The following FRAS1 variants were observed in gnomAD, a reference collection of about 807,000 sequenced individuals.
FRAS1 encodes the protein extracellular matrix organizing protein FRAS1.
In FRAS1, 290 loss-of-function variants were observed where a neutral mutation model predicts 435.2. The ratio of observed to expected loss-of-function variants is 0.67; its 90% CI spans 0.61 to 0.73. The LOEUF (loss-of-function observed/expected upper bound fraction) is 0.73. Among genes scored for constraint, FRAS1 ranks in the 30% least tolerant of loss-of-function variants. FRAS1 has a pLI of 0.00. For synonymous variants in FRAS1, 1,800 were observed against 1,851.0 expected, an observed-to-expected ratio of 0.97 and a Z score of 0.71; for missense variants, 4,860 against 5,001.5, an observed-to-expected ratio of 0.97 and a Z score of 0.85.
chr4:78,195,902 G>A (rs536924076), intron 2 of FRAS1, among the ~76,000 whole-genome samples: 78 of 150,662 alleles, frequency 5.2e-4, no homozygotes, highest in African/African-American at 1.8e-3. Flanking sequence ...GTTCCTATTC[G>A]GCCATCTTGG....
intron 18 of FRAS1, among the ~76,000 whole-genome samples, chr4:78,322,191 A>G (rs1447707878): frequency 6.6e-6 from 1 of 152,192 alleles, no homozygotes; most frequent in Non-Finnish European, 1.5e-5. Context: ...CCTGTCAGTC[A>G]TCCCGTATCT....
At chr4:78,298,166 TATATAAA>T (rs916800922) in intron 14 of FRAS1, among the ~76,000 whole-genome samples, 1 of 148,646 alleles carries the variant, frequency 6.7e-6, no homozygotes, top group African/African-American at 2.5e-5. Context: ...ATATATACCT[TATATAAA>T]ATATAAAATA....
chr4:78,086,460 C>A (rs1278667652), intron 2 of FRAS1, among the ~76,000 whole-genome samples: 2 of 152,036 alleles, frequency 1.3e-5, no homozygotes, highest in African/African-American at 2.4e-5. Flanking sequence ...ACACAAAAAA[C>A]CGTTCAAAAA....
chr4:78,297,811 T>C (rs1728207141), intron 14 of FRAS1, among the ~76,000 whole-genome samples: 1 of 152,102 alleles, frequency 6.6e-6, no homozygotes, highest in African/African-American at 2.4e-5. Context: ...TGACCTCTTA[T>C]TTTTTATAAT....
chr4:78,469,758 T>TGTG (rs58383958), intron 50 of FRAS1, among the ~76,000 whole-genome samples: 3 of 151,918 alleles, frequency 2.0e-5, no homozygotes, highest in African/African-American at 7.3e-5. Flanking sequence ...TTGTTGTTGT[T>TGTG]TTGTTTTTCC....
At position 78,254,327 on chromosome 4, in the gene FRAS1, C is replaced by T. The variant is rs533355457; in HGVS notation, c.470-915C>T. Among the ~76,000 whole-genome samples the T allele has an allele frequency of 2.9e-4, 44 of 152,304 alleles. 1 individual carries two copies. Among genetic ancestry groups the T allele is most frequent in the Middle Eastern group, 3.4e-3 (1 of 294 alleles). Reference sequence around the variant, plus strand: ...GGTACACTCTATTCTTGCTTTTTCTCATTAAAAGGATACCTCATTTCTTTC... The same window carrying T: ...GGTACACTCTATTCTTGCTTTTTCTTATTAAAAGGATACCTCATTTCTTTC... On this transcript the variant is annotated intron_variant, in intron 5 of 73. Transcript: ENST00000512123.
At chr4:78,156,890 T>C (rs2110018663) in intron 2 of FRAS1, among the ~76,000 whole-genome samples, 1 of 152,294 alleles carries the variant, frequency 6.6e-6, no homozygotes, top group African/African-American at 2.4e-5. Flanking sequence ...TGCTGTTCCA[T>C]GTCCTTTCCA....
intron 14 of FRAS1, among the ~76,000 whole-genome samples, chr4:78,301,928 T>A (rs1225901885): frequency 6.8e-6 from 1 of 147,530 alleles, no homozygotes; most frequent in Admixed American, 7.0e-5. Flanking sequence ...TACGTATACA[T>A]GTGCAATGCT....
intron 14 of FRAS1, 108 bp from the exon 15 acceptor site, chr4:78,307,958 A>G: frequency 8.7e-7 from 1 of 1,144,326 alleles, no homozygotes; most frequent in East Asian, 2.6e-5. Context: ...TTTAGGAACT[A>G]AGGAACCAAC....
chr4:78,123,474 C>T (rs992858354), intron 2 of FRAS1, among the ~76,000 whole-genome samples: 3 of 151,966 alleles, frequency 2.0e-5, no homozygotes, highest in Non-Finnish European at 4.4e-5. Flanking sequence ...TTTTTTGGTT[C>T]CATATGAAGT....
At position 78,131,362 on chromosome 4, in the gene FRAS1, G is replaced by A. The variant is rs1578144206; in HGVS notation, c.108+65346G>A. On this transcript the variant is annotated intron_variant, in intron 2 of 73. Transcript: ENST00000512123. ...TTCCTTTCAGCACAGCTTTCCTTGA[G>A]ACTCCTCCACCCCATCTAAACTCTT... Among the ~76,000 whole-genome samples, 7 of 152,074 alleles carry A rather than the reference G, an allele frequency of 4.6e-5. 1 individual carries two copies. The highest frequency in any genetic ancestry group is 4.6e-4 in the Admixed American group (7 of 15,270).
At chr4:78,426,274 T>C (rs183635836) in intron 35 of FRAS1, among the ~76,000 whole-genome samples, 40 of 152,304 alleles carry the variant, frequency 2.6e-4, no homozygotes, top group Non-Finnish European at 1.2e-4. Flanking sequence ...GCCTCAACTC[T>C]TACCTGAAAG....
At chr4:78,421,143 T>C (rs1184263628) in intron 33 of FRAS1, among the ~76,000 whole-genome samples, 1 of 151,768 alleles carries the variant, frequency 6.6e-6, no homozygotes, top group Non-Finnish European at 1.5e-5. Flanking sequence ...GCTTTAGTTT[T>C]TTAATTTATA....
Position 78,497,855 on chromosome 4 carries a change from C to A in FRAS1, c.9115+894C>A, listed in dbSNP as rs139274007. Among the ~76,000 whole-genome samples, 11 of 152,262 alleles carry A rather than the reference C, an allele frequency of 7.2e-5. No homozygotes were observed. The East Asian group carries it at 2.1e-3, about 29-fold the overall frequency. On this transcript the variant is annotated intron_variant, in intron 60 of 73. Transcript: ENST00000512123. ...ATTGGATAAAATAAGAAACTCCAGCCTCAAAGTTGAATTAGTCCTTGACCC... is the reference window on the plus strand; with the variant it reads ...ATTGGATAAAATAAGAAACTCCAGCATCAAAGTTGAATTAGTCCTTGACCC...
intron 30 of FRAS1, among the ~76,000 whole-genome samples, chr4:78,405,793 C>T (rs1733074911): frequency 6.6e-6 from 1 of 152,234 alleles, no homozygotes; most frequent in Non-Finnish European, 1.5e-5. Flanking sequence ...GTTAGGGTGG[C>T]TTCTTTCAGA....
At chr4:78,063,719 T>C (rs892081262) in intron 1 of FRAS1, among the ~76,000 whole-genome samples, 2 of 152,176 alleles carry the variant, frequency 1.3e-5, no homozygotes, top group Non-Finnish European at 2.9e-5. Context: ...ACTCAGATAC[T>C]TCTTAAGGTG....
intron 2 of FRAS1, among the ~76,000 whole-genome samples, chr4:78,111,752 TAAAAA>T (rs564909222): frequency 0.11 from 11,416 of 105,072 alleles, 484 homozygotes; most frequent in Admixed American, 0.17. Context: ...TAGAGTATAA[TAAAAA>T]AAAAAAAAAA....
At chr4:78,234,466 C>A (rs1283136658) in intron 2 of FRAS1, among the ~76,000 whole-genome samples, 1 of 152,110 alleles carries the variant, frequency 6.6e-6, no homozygotes, top group Non-Finnish European at 1.5e-5. Flanking sequence ...ACCTCGTGAT[C>A]CACCCGCCTC....
At chr4:78,365,357 G>A (rs1277654706) in intron 22 of FRAS1, among the ~76,000 whole-genome samples, 1 of 152,140 alleles carries the variant, frequency 6.6e-6, no homozygotes, top group Non-Finnish European at 1.5e-5. Context: ...TGTAGATTCT[G>A]TAATATAAGA....
Sources: allele counts gnomAD v4.1 joint callset (sites outside exome capture counted in the v4.1 genomes callset), GRCh38; gene constraint gnomAD v4.1.1; transcripts MANE v1.5; gene names NCBI Gene and HGNC (gene_info 2026-07-23, HGNC 2026-07-21).